The following BCL7C variants were observed in gnomAD, a reference collection of about 807,000 sequenced individuals.
BCL7C encodes the protein B-cell CLL/lymphoma 7 protein family member C.
Under a neutral mutation model 26.2 loss-of-function variants are expected in BCL7C, and 8 were observed. That is an observed-to-expected ratio of 0.30 (90% CI 0.18 to 0.55). The LOEUF (loss-of-function observed/expected upper bound fraction) is 0.55, where lower values mean the gene tolerates loss of function less well. BCL7C is among the 20% of genes least tolerant of loss of function. The pLI is 0.93. For missense variants in BCL7C, 262 were observed against 298.5 expected, an observed-to-expected ratio of 0.88 and a Z score of 0.90; for synonymous variants, 90 against 116.5, an observed-to-expected ratio of 0.77 and a Z score of 1.47.
At chr16:30,858,903 C>T (rs1596592450) in intron 5 of BCL7C, among the ~76,000 whole-genome samples, 2 of 152,122 alleles carry the variant, frequency 1.3e-5, no homozygotes, top group Middle Eastern at 3.4e-3. Flanking sequence ...GAAAAAACAC[C>T]CTATAAGCTT....
intron 5 of BCL7C, among the ~76,000 whole-genome samples, chr16:30,872,520 G>A (rs865952037): frequency 1.3e-5 from 2 of 152,194 alleles, no homozygotes; most frequent in African/African-American, 4.8e-5. Context: ...CCTGAACTGC[G>A]GTGTGCCGTT....
chr16:30,852,489 C>CTTT (rs1286491720), intron 5 of BCL7C, among the ~76,000 whole-genome samples: 15 of 136,906 alleles, frequency 1.1e-4, no homozygotes, highest in South Asian at 2.3e-4. Flanking sequence ...AACTTTATAA[C>CTTT]TTTTTTTTTT....
chr16:30,870,037 T>C (rs1316697137), intron 5 of BCL7C, among the ~76,000 whole-genome samples: 1 of 152,204 alleles, frequency 6.6e-6, no homozygotes, highest in Non-Finnish European at 1.5e-5. Flanking sequence ...ATCTCATATA[T>C]CTATATATCT....
Position 30,893,660 on chromosome 16 carries a change from G to A in BCL7C, c.92+193C>T, listed in dbSNP as rs986997986. Among the ~76,000 whole-genome samples the A allele has an allele frequency of 9.2e-5, 14 of 152,062 alleles. No individual in the cohort carries two copies. Among genetic ancestry groups the A allele is most frequent in the Non-Finnish European group, 2.1e-4 (14 of 67,958 alleles). On this transcript the variant is annotated intron_variant, in intron 1 of 5. Coordinates refer to ENST00000215115, the MANE Select transcript of BCL7C (RefSeq NM_004765.4). The surrounding 1 kb of genome is among the most constrained non-coding windows in gnomAD (Gnocchi z 5.2). ...GGGGGCTCCCGCTCTGGGAGGACACGGCTGGGGATCACGCTTTGTAGACCC... is the reference window on the plus strand; with the variant it reads ...GGGGGCTCCCGCTCTGGGAGGACACAGCTGGGGATCACGCTTTGTAGACCC...
chr16:30,874,728 TTTCTATCC>T (rs2054920825), intron 5 of BCL7C, among the ~76,000 whole-genome samples: 1 of 152,106 alleles, frequency 6.6e-6, no homozygotes, highest in African/African-American at 2.4e-5. Context: ...GAAGCTTGGG[TTTCTATCC>T]TTCCCGACTG....
intron 5 of BCL7C, among the ~76,000 whole-genome samples, chr16:30,856,863 G>A (rs1328881375): frequency 6.6e-6 from 1 of 152,150 alleles, no homozygotes; most frequent in Non-Finnish European, 1.5e-5. Flanking sequence ...AGACATGCTG[G>A]TGACCTAGGA....
At chr16:30,853,473 G>A (rs1267697208) in intron 5 of BCL7C, among the ~76,000 whole-genome samples, 1 of 152,168 alleles carries the variant, frequency 6.6e-6, no homozygotes, top group Non-Finnish European at 1.5e-5. Flanking sequence ...TGTAGGACCT[G>A]CCTGAGGCTC....
intron 5 of BCL7C, among the ~76,000 whole-genome samples, chr16:30,853,320 A>T (rs1203549549): frequency 6.6e-6 from 1 of 151,998 alleles, no homozygotes; most frequent in Non-Finnish European, 1.5e-5. Flanking sequence ...ACACACACAC[A>T]CCAGCCTAGG....
At chr16:30,880,237 A>G (rs1046670927) in intron 5 of BCL7C, among the ~76,000 whole-genome samples, 1 of 151,966 alleles carries the variant, frequency 6.6e-6, no homozygotes, top group Non-Finnish European at 1.5e-5. Flanking sequence ...TAATCCCAGC[A>G]CTTTGGGAGG....
At chr16:30,873,342 T>C (rs2054897615) in intron 5 of BCL7C, among the ~76,000 whole-genome samples, 1 of 152,146 alleles carries the variant, frequency 6.6e-6, no homozygotes, top group South Asian at 2.1e-4. Flanking sequence ...AGAAAGTAGA[T>C]TTGCAGTAGT....
intron 5 of BCL7C, among the ~76,000 whole-genome samples, chr16:30,856,955 TTATATCTCCAA>T (rs1159890107): frequency 2.6e-5 from 4 of 152,236 alleles, no homozygotes; most frequent in Non-Finnish European, 4.4e-5. Flanking sequence ...TGTCAGCCTC[TTATATCTCCAA>T]CTGGTATTAC....
chr16:30,854,747 C>T (rs551335173), intron 5 of BCL7C, among the ~76,000 whole-genome samples: 2 of 149,762 alleles, frequency 1.3e-5, no homozygotes, highest in Admixed American at 1.3e-4. Flanking sequence ...CGCTCTGTCA[C>T]CCAGGCTGGA....
intron 5 of BCL7C, among the ~76,000 whole-genome samples, chr16:30,877,421 C>T (rs112760494): frequency 2.0e-5 from 3 of 149,918 alleles, no homozygotes; most frequent in South Asian, 2.1e-4. Context: ...GTGTGAGGCA[C>T]GTCACCCGGC....
intron 5 of BCL7C, among the ~76,000 whole-genome samples, chr16:30,859,983 CA>C (rs1280581179): frequency 6.6e-6 from 1 of 152,232 alleles, no homozygotes; most frequent in Non-Finnish European, 1.5e-5. Context: ...GTCCTCAGAC[CA>C]ACCAGCCCAA....
intron 5 of BCL7C, chr16:30,851,553 C>T (rs888099871): frequency 1.0e-4 from 32 of 305,526 alleles, no homozygotes; most frequent in Non-Finnish European, 1.7e-4. Flanking sequence ...ATATTTGAAG[C>T]GCTGGTTATG....
chr16:30,877,738 C>T (rs1261300613), intron 5 of BCL7C, among the ~76,000 whole-genome samples: 1 of 152,122 alleles, frequency 6.6e-6, no homozygotes, highest in Non-Finnish European at 1.5e-5. Flanking sequence ...CGCGCCCAGC[C>T]TAGTCCAGAT....
chr16:30,879,146 G>A (rs1421866955), intron 5 of BCL7C, among the ~76,000 whole-genome samples: 1 of 152,188 alleles, frequency 6.6e-6, no homozygotes, highest in Admixed American at 6.5e-5. Flanking sequence ...AGACTGGGGT[G>A]TCTCCTGGGA....
At position 30,893,417 on chromosome 16, in the gene BCL7C, T is replaced by G. The variant is rs2055289859; in HGVS notation, c.93-127A>C. 1 of 668,836 alleles carries G rather than the reference T, an allele frequency of 1.5e-6. No individual in the cohort carries two copies. Among genetic ancestry groups the G allele is most frequent in the African/African-American group, 1.8e-5 (1 of 55,240 alleles). 41.4% of individuals were successfully genotyped at this position (668,836 alleles called of 1,614,324 possible). ...AGGAGGATAGCAACAGTTTTGCTAA[T>G]GGGGCATAGTTACATGGAGGAAGAG... On this transcript the variant is annotated intron_variant, in intron 1 of 5. Transcript: ENST00000215115. The surrounding 1 kb of genome is among the most constrained non-coding windows in gnomAD (Gnocchi z 5.2).
At chr16:30,886,539 G>C (rs904009093), downstream of BCL7C, among the ~76,000 whole-genome samples, 1 of 152,120 alleles carries the variant, frequency 6.6e-6, no homozygotes, top group Admixed American at 6.6e-5. Flanking sequence ...GCAGCTGCTG[G>C]GACTGCCCTG....
Sources: allele counts gnomAD v4.1 joint callset (sites outside exome capture counted in the v4.1 genomes callset), GRCh38; gene constraint gnomAD v4.1.1; non-coding constraint Gnocchi (gnomAD v3.1); transcripts MANE v1.5; gene names NCBI Gene and HGNC (gene_info 2026-07-23, HGNC 2026-07-21).